The following CCSER1 variants were observed in gnomAD, a reference collection of about 807,000 sequenced individuals.
CCSER1 encodes the protein serine-rich coiled-coil domain-containing protein 1.
CCSER1 carries 41 observed loss-of-function variants against 82.0 expected under a neutral mutation model. That is an observed-to-expected ratio of 0.50 (90% confidence interval 0.39 to 0.65). The LOEUF (loss-of-function observed/expected upper bound fraction) is 0.65, where lower values mean the gene tolerates loss of function less well. CCSER1 is among the 30% of genes least tolerant of loss of function. The probability of loss-of-function intolerance (pLI) is 0.00; values close to 1 mark genes in which losing one functional copy is unlikely to be tolerated. For missense variants in CCSER1, 1,119 were observed against 1,064.2 expected (o/e 1.05, Z -0.72); for synonymous variants, 414 against 383.9 (o/e 1.08, Z -0.92).
chr4:90,217,576 G>A (rs1421676104), intron 1 of CCSER1, among the ~76,000 whole-genome samples: 1 of 152,226 alleles, frequency 6.6e-6, no homozygotes, highest in Admixed American at 6.5e-5. Context: ...CTATTTGGAT[G>A]CCTTTTATTT....
chr4:90,598,376 G>C (rs147547742), intron 5 of CCSER1, among the ~76,000 whole-genome samples: 2,913 of 152,160 alleles, frequency 0.019, 107 homozygotes, highest in African/African-American at 0.067. Context: ...CCATTAACTT[G>C]TCATTTAACA....
intron 10 of CCSER1, among the ~76,000 whole-genome samples, chr4:91,269,848 A>G (rs1226217522): frequency 6.6e-6 from 1 of 152,184 alleles, no homozygotes; most frequent in Non-Finnish European, 1.5e-5. Flanking sequence ...CCAATTGTGT[A>G]CTTTTAAAAT....
chr4:91,380,646 A>C (rs981794716), intron 10 of CCSER1, among the ~76,000 whole-genome samples: 2 of 152,072 alleles, frequency 1.3e-5, no homozygotes, highest in South Asian at 4.1e-4. Context: ...GTGTCTCTGC[A>C]TGTGAGATGG....
chr4:91,277,550 GATTTT>G (rs1361058008), intron 10 of CCSER1, among the ~76,000 whole-genome samples: 1 of 114,640 alleles, frequency 8.7e-6, no homozygotes, highest in African/African-American at 3.2e-5. Context: ...TTTGGCTTCT[GATTTT>G]ATTTGTTTTT....
intron 6 of CCSER1, among the ~76,000 whole-genome samples, chr4:90,631,653 G>A (rs1724461664): frequency 6.6e-6 from 1 of 152,034 alleles, no homozygotes; most frequent in East Asian, 1.9e-4. Flanking sequence ...TCAGGGTTGT[G>A]GAGTAATAAA....
At chr4:91,452,504 T>G (rs540961618) in intron 10 of CCSER1, among the ~76,000 whole-genome samples, 2 of 152,010 alleles carry the variant, frequency 1.3e-5, no homozygotes, top group African/African-American at 4.8e-5. Flanking sequence ...GCAAAGCACA[T>G]ATGTCAAGCA....
intron 7 of CCSER1, among the ~76,000 whole-genome samples, chr4:90,726,806 C>T (rs1468917478): frequency 6.6e-6 from 1 of 151,690 alleles, no homozygotes; most frequent in Non-Finnish European, 1.5e-5. Context: ...TTGTCTTAAA[C>T]AATTGAAAAA....
chr4:90,299,400 A>G (rs1246757616), intron 1 of CCSER1, among the ~76,000 whole-genome samples: 1 of 152,178 alleles, frequency 6.6e-6, no homozygotes, highest in Non-Finnish European at 1.5e-5. Context: ...GTTGAGAACA[A>G]CTTAGTGTAC....
chr4:91,103,341 C>T (rs891976909), intron 10 of CCSER1, among the ~76,000 whole-genome samples: 1 of 152,080 alleles, frequency 6.6e-6, no homozygotes, highest in Non-Finnish European at 1.5e-5. Flanking sequence ...CCAAAGGGGC[C>T]CCTCAGTTCC....
intron 5 of CCSER1, among the ~76,000 whole-genome samples, chr4:90,572,240 C>G (rs1218337732): frequency 6.6e-6 from 1 of 152,084 alleles, no homozygotes; most frequent in Non-Finnish European, 1.5e-5. Flanking sequence ...TATTGGAACT[C>G]CCTTATATGT....
chr4:90,280,825 C>A (rs1728724280), intron 1 of CCSER1, among the ~76,000 whole-genome samples: 1 of 151,800 alleles, frequency 6.6e-6, no homozygotes, highest in Admixed American at 6.6e-5. Context: ...GGTTAAAGAA[C>A]CATTGGAACA....
At chr4:90,935,029 T>G (rs550111935) in intron 9 of CCSER1, among the ~76,000 whole-genome samples, 11 of 151,960 alleles carry the variant, frequency 7.2e-5, no homozygotes, top group African/African-American at 2.4e-4. Context: ...CATATATATA[T>G]GTATATATGT....
At chr4:91,179,375 T>C (rs1229194318) in intron 10 of CCSER1, among the ~76,000 whole-genome samples, 1 of 152,240 alleles carries the variant, frequency 6.6e-6, no homozygotes, top group African/African-American at 2.4e-5. Context: ...GAAGTTCTCA[T>C]GGATAATATC....
At chr4:90,166,481 CAAG>C (rs1730479329) in intron 1 of CCSER1, among the ~76,000 whole-genome samples, 1 of 151,774 alleles carries the variant, frequency 6.6e-6, no homozygotes, top group Non-Finnish European at 1.5e-5. Context: ...ATAGCACCCT[CAAG>C]GAGGTATTTT....
intron 1 of CCSER1, among the ~76,000 whole-genome samples, chr4:90,292,781 A>C (rs1231312696): frequency 6.6e-6 from 1 of 151,904 alleles, no homozygotes; most frequent in African/African-American, 2.4e-5. Flanking sequence ...TGTTTGAACT[A>C]GAACATGCAC....
At chr4:90,319,669 A>C (rs890155955) in intron 3 of CCSER1, among the ~76,000 whole-genome samples, 2 of 152,172 alleles carry the variant, frequency 1.3e-5, no homozygotes, top group African/African-American at 2.4e-5. Flanking sequence ...CAAAGATGAT[A>C]ATTAGAAGAT....
At chr4:90,848,809 C>A (rs11935538) in intron 8 of CCSER1, among the ~76,000 whole-genome samples, 4 of 152,030 alleles carry the variant, frequency 2.6e-5, no homozygotes, top group African/African-American at 9.7e-5. Flanking sequence ...TGAGTTCTCA[C>A]GAGATCTGAT....
At chr4:90,256,753 TC>T (rs1723365329) in intron 1 of CCSER1, among the ~76,000 whole-genome samples, 1 of 152,112 alleles carries the variant, frequency 6.6e-6, no homozygotes, top group East Asian at 1.9e-4. Context: ...TTACTGTAGT[TC>T]CCCATTATCT....
chr4:90,999,636 T>C (rs1319581684), intron 9 of CCSER1, among the ~76,000 whole-genome samples: 1 of 152,128 alleles, frequency 6.6e-6, no homozygotes, highest in Admixed American at 6.6e-5. Context: ...ATTAGAACTT[T>C]GTTTGATGCA....
Sources: gnomAD v4.1 joint callset for allele counts (sites outside exome capture counted in the v4.1 genomes callset) on GRCh38, gnomAD v4.1.1 for gene constraint, MANE v1.5 for transcripts, NCBI Gene and HGNC (gene_info 2026-07-23, HGNC 2026-07-21) for gene names.